Variants in SFRP1 observed in about 807,000 individuals in gnomAD.
SFRP1 encodes secreted frizzled related protein 1.
In SFRP1, 9 loss-of-function variants were observed where a neutral mutation model predicts 25.9. That is an observed-to-expected ratio of 0.35 (90% CI 0.21 to 0.61). SFRP1 has a LOEUF of 0.61. Among genes scored for constraint, SFRP1 ranks in the 20% least tolerant of loss-of-function variants. SFRP1 has a pLI of 0.78. For missense variants in SFRP1, 346 were observed against 418.2 expected (o/e 0.83, Z 1.51); for synonymous variants, 178 against 174.0 (o/e 1.02, Z -0.18).
intron 2 of SFRP1, among the ~76,000 whole-genome samples, chr8:41,288,725 G>A (rs908958956): frequency 2.0e-5 from 3 of 152,088 alleles, no homozygotes; most frequent in Non-Finnish European, 4.4e-5. Context: ...GTAAATTGTG[G>A]GGCAGGAATG....
intron 2 of SFRP1, among the ~76,000 whole-genome samples, chr8:41,269,583 C>T (rs1316195590): frequency 1.3e-5 from 2 of 152,188 alleles, no homozygotes; most frequent in African/African-American, 4.8e-5. Context: ...GAAGTCATCA[C>T]ACACCATCCC....
intron 2 of SFRP1, among the ~76,000 whole-genome samples, chr8:41,291,114 T>C (rs1457209873): frequency 6.6e-5 from 10 of 151,672 alleles, no homozygotes; most frequent in Non-Finnish European, 1.0e-4. Context: ...TTCCCCATGT[T>C]AGCCAGGACG....
intron 2 of SFRP1, among the ~76,000 whole-genome samples, chr8:41,293,785 T>C (rs922974773): frequency 1.3e-5 from 2 of 152,136 alleles, no homozygotes; most frequent in Admixed American, 1.3e-4. Flanking sequence ...TGTTTCTGTT[T>C]TGAGACAAGG....
chr8:41,269,805 T>C (rs1803481083), intron 2 of SFRP1, among the ~76,000 whole-genome samples: 1 of 152,150 alleles, frequency 6.6e-6, no homozygotes, highest in Non-Finnish European at 1.5e-5. Flanking sequence ...GGGGTTGCAT[T>C]AGGAATCAAT....
At chr8:41,293,355 C>G (rs1415396761) in intron 2 of SFRP1, among the ~76,000 whole-genome samples, 1 of 152,246 alleles carries the variant, frequency 6.6e-6, no homozygotes, top group African/African-American at 2.4e-5. Flanking sequence ...TGAGTCCCCA[C>G]GCTGTGGGCC....
At position 41,308,618 on chromosome 8, in the gene SFRP1, T is replaced by G. The variant is rs774055361; in HGVS notation, c.542A>C (p.Gln181Pro). 3.1e-6 allele frequency: 5 copies of G among 1,589,578 alleles called. No homozygotes were observed. The Admixed American group carries it at 5.1e-5, about 16-fold the overall frequency. The stretch of plus-strand genomic sequence containing the variant: ...CACGTGGGAGGAGGCAGCCTTACCT[T>G]GGGGCTTGGAGGCTTCGGTGGCATT... Reference protein sequence around the residue: ...PPNATEASKPQGTTVCPPCDN... With the variant: ...PPNATEASKPPGTTVCPPCDN... Residue 181 changes from glutamine (Q) to proline (P), a missense_variant and splice_region_variant, in exon 1 of 3, where the codon CAA (glutamine) becomes CCA (proline). Coordinates refer to ENST00000220772, the MANE Select transcript of SFRP1 (RefSeq NM_003012.5).
At chr8:41,286,420 T>C (rs1176317680) in intron 2 of SFRP1, among the ~76,000 whole-genome samples, 8 of 151,946 alleles carry the variant, frequency 5.3e-5, no homozygotes, top group African/African-American at 1.9e-4. Flanking sequence ...GGATTTGTTT[T>C]TCAAAGTCAC....
intron 2 of SFRP1, chr8:41,276,937 G>A (rs954474544): frequency 4.8e-5 from 22 of 456,164 alleles, no homozygotes; most frequent in African/African-American, 2.8e-4. Flanking sequence ...ACACACACTC[G>A]CCAGCATCAT....
chr8:41,266,717 G>C (rs1002110139), intron 2 of SFRP1, among the ~76,000 whole-genome samples: 1 of 151,858 alleles, frequency 6.6e-6, no homozygotes, highest in African/African-American at 2.4e-5. Flanking sequence ...GAGTCACCAC[G>C]CCTGACCATG....
chr8:41,294,965 A>G lies in SFRP1; in HGVS notation c.622+8496T>C, dbSNP rs554005395. 2.0e-5 allele frequency among the ~76,000 whole-genome samples: 3 copies of G among 152,232 alleles called. No homozygotes were observed. In the South Asian group the frequency reaches 6.2e-4, roughly 32 times the overall value. Reference sequence around the variant, plus strand: ...CTTTAAACTCAGCCCTGCAGGAAGAACCCCAAGGCTAGTGTGATATGGAAA... The same window carrying G: ...CTTTAAACTCAGCCCTGCAGGAAGAGCCCCAAGGCTAGTGTGATATGGAAA... On this transcript the variant is annotated intron_variant, in intron 2 of 2. Transcript: ENST00000220772.
rs556486217 is a variant in SFRP1 at position 41,307,434 on chromosome 8, T to C, written c.544+1182A>G. On this transcript the variant is annotated intron_variant, in intron 1 of 2. Transcript: ENST00000220772. ...TCCTCACTCTGAGGAGCCAGGTGAC[T>C]GCACTCCCCTCTTTTAGCATCAATA... Among the ~76,000 whole-genome samples, 24 of 152,332 alleles carry C rather than the reference T, an allele frequency of 1.6e-4. No individual in the cohort carries two copies. The South Asian group carries it at 5.0e-3, about 32-fold the overall frequency.
At chr8:41,304,658 C>T (rs1453862407) in intron 1 of SFRP1, among the ~76,000 whole-genome samples, 4 of 152,098 alleles carry the variant, frequency 2.6e-5, no homozygotes, top group Non-Finnish European at 5.9e-5. Flanking sequence ...CAGCATCTCC[C>T]TCCCCATCAG....
At chr8:41,295,744 A>ATTT (rs375196464) in intron 2 of SFRP1, among the ~76,000 whole-genome samples, 5 of 144,970 alleles carry the variant, frequency 3.4e-5, no homozygotes, top group African/African-American at 1.0e-4. Context: ...TATCTGCAGC[A>ATTT]TTTTTTTTTT....
At chr8:41,284,098 A>G (rs1251901147) in intron 2 of SFRP1, among the ~76,000 whole-genome samples, 1 of 152,160 alleles carries the variant, frequency 6.6e-6, no homozygotes, top group Non-Finnish European at 1.5e-5. Context: ...AGGCCTGCAC[A>G]TCTAGAGTGG....
At chr8:41,306,833 C>A in intron 1 of SFRP1, 2 of 1,598,010 alleles carry the variant, frequency 1.3e-6, no homozygotes, top group South Asian at 1.1e-5. Flanking sequence ...CGGAAGACAG[C>A]GATTATGGGG....
At chr8:41,307,211 G>A (rs1804009120) in intron 1 of SFRP1, among the ~76,000 whole-genome samples, 1 of 152,180 alleles carries the variant, frequency 6.6e-6, no homozygotes, top group Non-Finnish European at 1.5e-5. Context: ...AAGTGCAGAT[G>A]CATCCGCTAC....
At chr8:41,304,307 T>A (rs1803965800) in intron 1 of SFRP1, among the ~76,000 whole-genome samples, 1 of 152,138 alleles carries the variant, frequency 6.6e-6, no homozygotes, top group African/African-American at 2.4e-5. Context: ...TCCAAGCCAA[T>A]ATACTGCTGA....
intron 2 of SFRP1, among the ~76,000 whole-genome samples, chr8:41,288,547 A>G (rs1803736921): frequency 7.3e-6 from 1 of 136,236 alleles, no homozygotes; most frequent in Non-Finnish European, 1.6e-5. Flanking sequence ...AAAAAAAAAA[A>G]AAAAAAAAAA....
At chr8:41,304,516 A>T (rs915808202) in intron 1 of SFRP1, among the ~76,000 whole-genome samples, 2 of 152,136 alleles carry the variant, frequency 1.3e-5, no homozygotes, top group African/African-American at 2.4e-5. Context: ...GGCACAGCAC[A>T]GGAGGCCAAG....
Sources: gnomAD v4.1 joint callset for allele counts (sites outside exome capture counted in the v4.1 genomes callset) on GRCh38, gnomAD v4.1.1 for gene constraint, MANE v1.5 for transcripts, NCBI Gene and HGNC (gene_info 2026-07-23, HGNC 2026-07-21) for gene names.